DCLK1: variants seen among roughly 807,000 people sequenced by gnomAD.
DCLK1 encodes doublecortin like kinase 1.
DCLK1 carries 16 observed loss-of-function variants against 86.2 expected under a neutral mutation model. The observed-to-expected ratio is 0.19, with a 90% CI of 0.13 to 0.28. The LOEUF (loss-of-function observed/expected upper bound fraction) is 0.28, where lower values mean the gene tolerates loss of function less well. DCLK1 is among the 10% of genes least tolerant of loss of function. DCLK1 has a pLI of 1.00. For synonymous variants in DCLK1, 369 were observed against 370.5 expected, an observed-to-expected ratio of 1.00 and a Z score of 0.05; for missense variants, 590 against 940.2, an observed-to-expected ratio of 0.63 and a Z score of 4.87.
At chr13:35,991,559 G>C (rs1880228084) in intron 3 of DCLK1, among the ~76,000 whole-genome samples, 1 of 152,086 alleles carries the variant, frequency 6.6e-6, no homozygotes, top group African/African-American at 2.4e-5. Flanking sequence ...AGTTACTTGA[G>C]AGGCTGAGCT....
intron 15 of DCLK1, 167 bp downstream of exon 15, chr13:35,805,532 C>T: frequency 1.7e-6 from 1 of 601,698 alleles, no homozygotes; most frequent in Admixed American, 3.2e-5. Flanking sequence ...CTCCTGAGCT[C>T]AGGCAATCCA....
At chr13:36,020,121 C>T (rs1706384467) in intron 3 of DCLK1, among the ~76,000 whole-genome samples, 1 of 152,300 alleles carries the variant, frequency 6.6e-6, no homozygotes, top group Admixed American at 6.5e-5. Context: ...CACGATTGGA[C>T]ACAGTGTGAG....
intron 4 of DCLK1, among the ~76,000 whole-genome samples, chr13:35,937,080 C>T (rs1236358020): frequency 6.7e-6 from 1 of 150,064 alleles, no homozygotes; most frequent in East Asian, 2.0e-4. Context: ...CGCCATTCTC[C>T]TGCCTCAGCC....
intron 4 of DCLK1, among the ~76,000 whole-genome samples, chr13:35,904,415 C>G (rs968721779): frequency 1.3e-5 from 2 of 152,156 alleles, no homozygotes; most frequent in African/African-American, 4.8e-5. Context: ...TGGTCTCGAA[C>G]TCCTCACCAC....
chr13:35,954,966 C>T (rs552449980), intron 3 of DCLK1, among the ~76,000 whole-genome samples: 9 of 152,102 alleles, frequency 5.9e-5, no homozygotes, highest in African/African-American at 1.9e-4. Flanking sequence ...CAATTTGATT[C>T]GCTGGGTCAA....
intron 5 of DCLK1, among the ~76,000 whole-genome samples, chr13:35,865,094 AG>A (rs1419600083): frequency 6.6e-6 from 1 of 152,180 alleles, no homozygotes; most frequent in African/African-American, 2.4e-5. Flanking sequence ...AAATTTTATC[AG>A]TCTTTATTAA....
At chr13:35,904,243 T>C (rs1229223519) in intron 4 of DCLK1, among the ~76,000 whole-genome samples, 1 of 152,108 alleles carries the variant, frequency 6.6e-6, no homozygotes, top group Non-Finnish European at 1.5e-5. Context: ...TGAGACAGAG[T>C]CTGACTTTGT....
chr13:36,065,954 G>A (rs1883733591), intron 3 of DCLK1, among the ~76,000 whole-genome samples: 1 of 152,078 alleles, frequency 6.6e-6, no homozygotes, highest in East Asian at 1.9e-4. Flanking sequence ...AGCTCTTGGT[G>A]TAAAATTATG....
At position 35,772,382 on chromosome 13, in the gene DCLK1, G is replaced by T. The variant is rs2086348624; in HGVS notation, c.*2153C>A. 6.6e-6 allele frequency: 1 copy of T among 152,300 alleles called. No homozygotes were observed. Among genetic ancestry groups the T allele is most frequent in the African/African-American group, 2.4e-5 (1 of 41,458 alleles). 9.4% of individuals were successfully genotyped at this position (152,300 alleles called of 1,614,324 possible). On this transcript the variant is annotated 3_prime_UTR_variant, in exon 17 of 17. Transcript: ENST00000360631. ...AAAGAAAGGAAAATGACAGTCCACT[G>T]CAGGTAGGTCTCTGCCCATTGCATT...
At chr13:35,894,436 T>A (rs1873827070) in intron 4 of DCLK1, among the ~76,000 whole-genome samples, 1 of 152,118 alleles carries the variant, frequency 6.6e-6, no homozygotes, top group Non-Finnish European at 1.5e-5. Context: ...TAGGAAGGGC[T>A]CTCGCAGTGG....
intron 4 of DCLK1, among the ~76,000 whole-genome samples, chr13:35,904,061 A>T (rs990941184): frequency 2.0e-5 from 3 of 148,388 alleles, no homozygotes; most frequent in East Asian, 1.9e-4. Flanking sequence ...TTTTTTTTTT[A>T]AAGTTTAAAG....
chr13:35,933,438 G>A (rs746078102), intron 4 of DCLK1, among the ~76,000 whole-genome samples: 35 of 152,328 alleles, frequency 2.3e-4, no homozygotes, highest in South Asian at 8.3e-4. Context: ...TGCCCTAGCA[G>A]AGGTTCTCCA....
chr13:35,945,748 G>C (rs140914806), intron 4 of DCLK1, among the ~76,000 whole-genome samples: 3 of 152,036 alleles, frequency 2.0e-5, no homozygotes, highest in African/African-American at 4.8e-5. Context: ...ATGGTGGCGT[G>C]GGGGGGACCT....
chr13:36,102,144 A>G (rs1184808264), intron 3 of DCLK1, among the ~76,000 whole-genome samples: 1 of 150,966 alleles, frequency 6.6e-6, no homozygotes, highest in African/African-American at 2.4e-5. Flanking sequence ...TAGCTCCCAG[A>G]CTGTCACTCT....
chr13:36,108,488 A>T (rs1445609706), intron 3 of DCLK1, among the ~76,000 whole-genome samples: 1 of 152,218 alleles, frequency 6.6e-6, no homozygotes, highest in Non-Finnish European at 1.5e-5. Flanking sequence ...GGTAGAAACA[A>T]GTGAGAACAG....
intron 3 of DCLK1, among the ~76,000 whole-genome samples, chr13:35,986,505 C>A (rs1879920920): frequency 6.6e-6 from 1 of 152,006 alleles, no homozygotes; most frequent in African/African-American, 2.4e-5. Context: ...CGTACACATG[C>A]TTTTAATCAG....
intron 3 of DCLK1, among the ~76,000 whole-genome samples, chr13:36,070,253 G>C (rs1883919761): frequency 6.6e-6 from 1 of 152,130 alleles, no homozygotes; most frequent in Non-Finnish European, 1.5e-5. Flanking sequence ...TTTTTAACAA[G>C]GACGTAATAC....
At position 35,839,010 on chromosome 13, in the gene DCLK1, G is replaced by A. The variant is rs561019206; in HGVS notation, c.1120+82C>T. ...TGCTCAGCCTTGTCCATGTCATTCC[G>A]CTTGAGAAGCCACAGTTTCTTGGAG... is the stretch of plus-strand genomic sequence containing the variant. On this transcript the variant is annotated intron_variant, in intron 7 of 16. Transcript: ENST00000360631. The A allele has an allele frequency of 5.2e-5, 68 of 1,315,756 alleles. No homozygotes were observed. In the East Asian group the frequency reaches 5.5e-4, roughly 11 times the overall value. The allele number at this position is 1,315,756 out of a possible 1,614,324, so 81.5% of individuals were successfully genotyped here.
At chr13:36,058,202 T>G (rs1249616222) in intron 3 of DCLK1, among the ~76,000 whole-genome samples, 2 of 152,106 alleles carry the variant, frequency 1.3e-5, no homozygotes, top group African/African-American at 4.8e-5. Flanking sequence ...TCCATCTCTG[T>G]GAAGGAAAAT....
Sources: gnomAD v4.1 joint callset for allele counts (sites outside exome capture counted in the v4.1 genomes callset) on GRCh38, gnomAD v4.1.1 for gene constraint, MANE v1.5 for transcripts, NCBI Gene and HGNC (gene_info 2026-07-23, HGNC 2026-07-21) for gene names.